The following BCAS1 variants were observed in gnomAD, a reference collection of about 807,000 sequenced individuals.
BCAS1 encodes breast carcinoma-amplified sequence 1.
A neutral mutation model predicts 65.4 loss-of-function variants in BCAS1; 46 were observed. The observed-to-expected ratio is 0.70, with a 90% confidence interval of 0.55 to 0.90. The LOEUF (loss-of-function observed/expected upper bound fraction) is 0.90, where lower values mean the gene tolerates loss of function less well. BCAS1 is among the 40% of genes least tolerant of loss of function. The pLI, the probability that BCAS1 is intolerant of heterozygous loss-of-function variation, is 0.00. For missense variants in BCAS1, 793 were observed against 771.2 expected (o/e 1.03, Z -0.33); for synonymous variants, 298 against 293.5 (o/e 1.02, Z -0.16).
At chr20:53,957,623 C>T in intron 10 of BCAS1, 126 bp from the exon 11 acceptor site, 1 of 803,562 alleles carries the variant, frequency 1.2e-6, no homozygotes, top group Non-Finnish European at 2.1e-6. Flanking sequence ...AAATGGAAGG[C>T]CAACTGGAAA....
At chr20:54,048,266 A>C (rs1414326566) in intron 3 of BCAS1, among the ~76,000 whole-genome samples, 1 of 152,168 alleles carries the variant, frequency 6.6e-6, no homozygotes, top group Admixed American at 6.5e-5. Flanking sequence ...CCTTTGCTCA[A>C]TTCTAATAAT....
chr20:53,961,550 A>C (rs1225623784), intron 10 of BCAS1, among the ~76,000 whole-genome samples: 2 of 152,250 alleles, frequency 1.3e-5, no homozygotes, highest in Non-Finnish European at 2.9e-5. Flanking sequence ...GCTTTAAGTA[A>C]GCCATATATT....
intron 4 of BCAS1, among the ~76,000 whole-genome samples, chr20:53,996,760 C>T (rs183416788): frequency 6.6e-6 from 1 of 152,112 alleles, no homozygotes; most frequent in Non-Finnish European, 1.5e-5. Context: ...CTCAACAGAT[C>T]CCATCTTCCC....
chr20:54,046,149 A>T (rs181111425), intron 3 of BCAS1, among the ~76,000 whole-genome samples: 1 of 152,356 alleles, frequency 6.6e-6, no homozygotes, highest in African/African-American at 2.4e-5. Flanking sequence ...GCATACTAAT[A>T]GTTATTTCAG....
chr20:54,006,392 T>C (rs2091190591), intron 4 of BCAS1, among the ~76,000 whole-genome samples: 1 of 152,110 alleles, frequency 6.6e-6, no homozygotes, highest in South Asian at 2.1e-4. Context: ...ATGAATGTTA[T>C]AATGAATGTG....
chr20:54,065,221 T>C (rs1197640085), intron 1 of BCAS1, among the ~76,000 whole-genome samples: 1 of 152,162 alleles, frequency 6.6e-6, no homozygotes, highest in Non-Finnish European at 1.5e-5. Context: ...TTACAATGTT[T>C]AGGGTATTTT....
intron 4 of BCAS1, among the ~76,000 whole-genome samples, chr20:54,005,303 AAAAAC>A (rs71196438): frequency 4.2e-4 from 62 of 148,370 alleles, no homozygotes; most frequent in African/African-American, 1.2e-3. Flanking sequence ...GAAACAAAGC[AAAAAC>A]AAAACAAAAC....
At chr20:53,947,475 A>C (rs1351597715) in intron 12 of BCAS1, among the ~76,000 whole-genome samples, 1 of 152,134 alleles carries the variant, frequency 6.6e-6, no homozygotes, top group Non-Finnish European at 1.5e-5. Flanking sequence ...GGGATGCTCC[A>C]TCCCTTTCTG....
chr20:54,031,839 G>A (rs567386779), intron 3 of BCAS1, among the ~76,000 whole-genome samples: 24 of 151,128 alleles, frequency 1.6e-4, no homozygotes, highest in African/African-American at 5.3e-4. Context: ...CAGCAATCAA[G>A]CCTACCAAAT....
intron 4 of BCAS1, among the ~76,000 whole-genome samples, chr20:54,013,664 T>C (rs116135813): frequency 0.013 from 1,938 of 152,314 alleles, 37 homozygotes; most frequent in African/African-American, 0.044. Flanking sequence ...GTGAGGTTAA[T>C]AGCGAAAGTC....
intron 4 of BCAS1, among the ~76,000 whole-genome samples, chr20:54,013,738 A>G (rs1441662966): frequency 1.3e-4 from 20 of 152,234 alleles, no homozygotes; most frequent in Non-Finnish European, 1.5e-4. Flanking sequence ...CAACCATTCA[A>G]CAGAATACTC....
intron 8 of BCAS1, among the ~76,000 whole-genome samples, chr20:53,983,128 T>C (rs1358791299): frequency 6.6e-6 from 1 of 152,190 alleles, no homozygotes; most frequent in Non-Finnish European, 1.5e-5. Context: ...AGCTTGAACT[T>C]CAAAGAAGAA....
intron 9 of BCAS1, 93 bp downstream of exon 9, chr20:53,975,296 A>G (rs765276960): frequency 8.9e-6 from 10 of 1,127,078 alleles, no homozygotes; most frequent in Non-Finnish European, 1.3e-5. Flanking sequence ...GGCAGCATGC[A>G]AGAACACAGG....
At chr20:54,037,512 C>G (rs530295542) in intron 3 of BCAS1, among the ~76,000 whole-genome samples, 2 of 151,534 alleles carry the variant, frequency 1.3e-5, no homozygotes, top group African/African-American at 4.8e-5. Flanking sequence ...TTGACTGTTT[C>G]CCAGCATTAG....
chr20:53,959,319 T>C (rs1173635728), intron 10 of BCAS1, among the ~76,000 whole-genome samples: 1 of 151,848 alleles, frequency 6.6e-6, no homozygotes, highest in East Asian at 1.9e-4. Flanking sequence ...AGTGGCATGA[T>C]CTTGGCTCAC....
At chr20:53,983,600 A>G (rs1318877316) in intron 8 of BCAS1, among the ~76,000 whole-genome samples, 2 of 152,238 alleles carry the variant, frequency 1.3e-5, no homozygotes, top group Non-Finnish European at 2.9e-5. Context: ...GATTCCTGCA[A>G]GAAAGACAGC....
At chr20:54,048,082 T>C (rs2092143898) in intron 3 of BCAS1, among the ~76,000 whole-genome samples, 1 of 152,076 alleles carries the variant, frequency 6.6e-6, no homozygotes, top group South Asian at 2.1e-4. Context: ...CCTATTCCCC[T>C]ACCTCATGAG....
At chr20:53,976,179 G>C (rs1414093290) in intron 8 of BCAS1, among the ~76,000 whole-genome samples, 1 of 152,214 alleles carries the variant, frequency 6.6e-6, no homozygotes, top group Non-Finnish European at 1.5e-5. Flanking sequence ...CATTCTATCA[G>C]TTAGCCAACT....
chr20:54,050,043 T>C (rs1301083733), intron 3 of BCAS1, among the ~76,000 whole-genome samples: 1 of 152,218 alleles, frequency 6.6e-6, no homozygotes, highest in Non-Finnish European at 1.5e-5. Flanking sequence ...GGGGAGAATC[T>C]ATTTCCTTCT....
Sources: allele counts gnomAD v4.1 joint callset (sites outside exome capture counted in the v4.1 genomes callset), GRCh38; gene constraint gnomAD v4.1.1; transcripts MANE v1.5; gene names NCBI Gene and HGNC (gene_info 2026-07-23, HGNC 2026-07-21).